Variants in PCDH15 observed in about 807,000 individuals in gnomAD.
The protein encoded by PCDH15 is protocadherin-15.
A neutral mutation model predicts 178.5 loss-of-function variants in PCDH15; 129 were observed. The observed-to-expected ratio is 0.72, with a 90% CI of 0.63 to 0.84. The LOEUF (loss-of-function observed/expected upper bound fraction) is 0.84. Among genes scored for constraint, PCDH15 ranks in the 40% least tolerant of loss-of-function variants. PCDH15 has a pLI of 0.00. For synonymous variants in PCDH15, 800 were observed against 732.0 expected (o/e 1.09, Z -1.50); for missense variants, 2,230 against 2,099.9 (o/e 1.06, Z -1.21).
intron 2 of PCDH15, among the ~76,000 whole-genome samples, chr10:55,381,739 C>G (rs1475842280): frequency 2.0e-5 from 3 of 151,876 alleles, no homozygotes; most frequent in Non-Finnish European, 4.4e-5. Context: ...ATGGTATTGC[C>G]CCTGTGGTGA....
intron 2 of PCDH15, chr10:54,897,532 G>A (rs1954565621): frequency 6.6e-6 from 1 of 152,116 alleles, no homozygotes; most frequent in Admixed American, 6.6e-5. Context: ...TCAGTCAAAG[G>A]CATTTTCTAA....
At chr10:54,721,775 A>G (rs1267266086) in intron 1 of PCDH15, among the ~76,000 whole-genome samples, 1 of 151,842 alleles carries the variant, frequency 6.6e-6, no homozygotes, top group East Asian at 1.9e-4. Context: ...TTCAAAGCCA[A>G]ATTTCATGAG....
At chr10:54,440,741 A>T (rs2075747636) in intron 3 of PCDH15, among the ~76,000 whole-genome samples, 1 of 151,950 alleles carries the variant, frequency 6.6e-6, no homozygotes, top group African/African-American at 2.4e-5. Context: ...TTTATTACAC[A>T]ATACAAATAT....
rs200649668 is a variant in PCDH15, at chr10:54,517,446, C to G, written c.157+10366G>C. Among the ~76,000 whole-genome samples, 678 of 152,018 alleles carry G rather than the reference C, an allele frequency of 4.5e-3. 7 individuals carry two copies. The highest frequency in any genetic ancestry group is 0.015 in the African/African-American group (613 of 41,478). On this transcript the variant is annotated intron_variant, in intron 3 of 37. Coordinates refer to ENST00000644397, the MANE Select transcript of PCDH15 (RefSeq NM_001384140.1). ...ATAAAACAGACTTTAAACCAACAAA[C>G]ATCAAAAGAGACAAAGAAGGCCATT...
intron 2 of PCDH15, among the ~76,000 whole-genome samples, chr10:55,163,391 T>C (rs186687299): frequency 6.6e-6 from 1 of 152,160 alleles, no homozygotes; most frequent in African/African-American, 2.4e-5. Flanking sequence ...ATATTCAATA[T>C]ATAAAGACCC....
Position 53,806,352 on chromosome 10 carries a change from A to T in PCDH15, c.*227T>A. ...AACAAAACAGCTAAATGTTTAAACG[A>T]TAGGTTATTTAGTGAAAGTATGTCC... On this transcript the variant is annotated 3_prime_UTR_variant, in exon 38 of 38. Coordinates refer to ENST00000644397, the MANE Select transcript of PCDH15 (RefSeq NM_001384140.1). The T allele has an allele frequency of 2.2e-6, 1 of 455,178 alleles. No homozygotes were observed. The highest frequency in any genetic ancestry group is 3.9e-6 in the Non-Finnish European group (1 of 259,686). The allele number at this position is 455,178 out of a possible 1,614,324, so 28.2% of individuals were successfully genotyped here.
chr10:54,942,140 A>G (rs1240241262), intron 2 of PCDH15, among the ~76,000 whole-genome samples: 1 of 152,042 alleles, frequency 6.6e-6, no homozygotes, highest in Admixed American at 6.6e-5. Context: ...TTCGGTCTAC[A>G]CTTTCCTAAA....
intron 2 of PCDH15, among the ~76,000 whole-genome samples, chr10:54,620,807 C>T (rs956404845): frequency 1.3e-5 from 2 of 152,024 alleles, no homozygotes; most frequent in East Asian, 1.9e-4. Context: ...GTCTATGTTT[C>T]CATTGTCATT....
intron 2 of PCDH15, among the ~76,000 whole-genome samples, chr10:55,131,304 G>A (rs1838037020): frequency 6.6e-6 from 1 of 152,114 alleles, no homozygotes; most frequent in Non-Finnish European, 1.5e-5. Context: ...TCCACTGTGG[G>A]CACTGGGAAA....
chr10:54,474,884 A>AT (rs2078171067), intron 3 of PCDH15, among the ~76,000 whole-genome samples: 6 of 151,986 alleles, frequency 3.9e-5, no homozygotes, highest in Admixed American at 3.9e-4. Context: ...TTATATCAAT[A>AT]CAAATGTTAC....
intron 10 of PCDH15, among the ~76,000 whole-genome samples, chr10:54,212,458 C>T (rs750111912): frequency 2.0e-5 from 3 of 152,068 alleles, no homozygotes; most frequent in Non-Finnish European, 2.9e-5. Flanking sequence ...TGTCTCCAAG[C>T]GTTTACTTCT....
intron 3 of PCDH15, among the ~76,000 whole-genome samples, chr10:54,503,511 G>C (rs1031694038): frequency 7.2e-6 from 1 of 138,254 alleles, no homozygotes; most frequent in African/African-American, 2.6e-5. Flanking sequence ...AGAATAGATA[G>C]AATATTTAAA....
At chr10:54,579,776 C>G (rs1352867579) in intron 2 of PCDH15, among the ~76,000 whole-genome samples, 1 of 151,964 alleles carries the variant, frequency 6.6e-6, no homozygotes, top group Non-Finnish European at 1.5e-5. Context: ...ATCATATCAA[C>G]CATACTCTTG....
intron 26 of PCDH15, among the ~76,000 whole-genome samples, chr10:53,895,982 T>G (rs1274491355): frequency 6.6e-6 from 1 of 152,174 alleles, no homozygotes; most frequent in East Asian, 1.9e-4. Context: ...TTTGGCTGAG[T>G]AATACTAGGA....
intron 2 of PCDH15, among the ~76,000 whole-genome samples, chr10:55,513,855 T>G (rs1840946795): frequency 6.6e-6 from 1 of 152,050 alleles, no homozygotes; most frequent in Admixed American, 6.6e-5. Flanking sequence ...TGTAGCCACC[T>G]TCCTAATCTT....
chr10:53,869,688 T>C (rs1206568208), intron 26 of PCDH15, among the ~76,000 whole-genome samples: 2 of 152,002 alleles, frequency 1.3e-5, no homozygotes, highest in African/African-American at 2.4e-5. Context: ...ATGCCTGTAA[T>C]ACCAACACTT....
chr10:55,490,541 G>T (rs1487911806), intron 2 of PCDH15, among the ~76,000 whole-genome samples: 1 of 151,702 alleles, frequency 6.6e-6, no homozygotes, highest in African/African-American at 2.4e-5. Context: ...TTGTCCTAGG[G>T]ACCTCAGAAG....
At chr10:55,283,943 T>C (rs932791541) in intron 1 of PCDH15, among the ~76,000 whole-genome samples, 11 of 151,192 alleles carry the variant, frequency 7.3e-5, no homozygotes, top group African/African-American at 1.5e-4. Context: ...TTCTGTAAAC[T>C]ATGCAAATCA....
chr10:54,242,137 TA>T (rs2055407188), intron 8 of PCDH15, among the ~76,000 whole-genome samples: 2 of 6,332 alleles, frequency 3.2e-4, no homozygotes, highest in Non-Finnish European at 5.6e-4. Context: ...TTTTTATATA[TA>T]TATATATATA....
Sources: gnomAD v4.1 joint callset for allele counts (sites outside exome capture counted in the v4.1 genomes callset) on GRCh38, gnomAD v4.1.1 for gene constraint, MANE v1.5 for transcripts, NCBI Gene and HGNC (gene_info 2026-07-23, HGNC 2026-07-21) for gene names.